The following USH1G variants were observed in gnomAD, a reference collection of about 807,000 sequenced individuals.
USH1G encodes USH1 protein network component sans, also known as pre-mRNA splicing regulator USH1G.
Under a neutral mutation model 31.9 loss-of-function variants are expected in USH1G, and 27 were observed. That is an observed-to-expected ratio of 0.85 (90% CI 0.62 to 1.17). USH1G has a LOEUF of 1.17. Among genes scored for constraint, USH1G ranks in the 50% most tolerant of loss-of-function variants. USH1G has a pLI of 0.00. For synonymous variants in USH1G, 266 were observed against 283.2 expected, an observed-to-expected ratio of 0.94 and a Z score of 0.61; for missense variants, 674 against 638.9, an observed-to-expected ratio of 1.05 and a Z score of -0.59.
At position 74,922,921 on chromosome 17, in the gene USH1G, A is replaced by G. The variant is rs777746284; in HGVS notation, c.153T>C (p.Ile51=). The G allele has an allele frequency of 3.9e-6, 6 of 1,546,884 alleles. No homozygotes were observed. The East Asian group carries it at 9.8e-5, about 25-fold the overall frequency. The change falls in exon 1 of 3, where the codon ATT becomes ATC. Residue 51 remains isoleucine (I), a synonymous_variant. Transcript: ENST00000614341. ...YHGNLESLRL[I]VSRGGDPDKC... ...TGGGGCGTACTCACCCGCGGCTCAC[A>G]ATGAGACGCAGCGACTCGAGGTTGC...
At position 74,917,376 on chromosome 17, in the gene USH1G, G is replaced by A. The variant is rs2038881145; in HGVS notation, c.*697C>T. 6.5e-6 allele frequency: 1 copy of A among 153,566 alleles called. No homozygotes were observed. Among genetic ancestry groups the A allele is most frequent in the Admixed American group, 6.5e-5 (1 of 15,502 alleles). The allele number at this position is 153,566 out of a possible 1,614,324, so 9.5% of individuals were successfully genotyped here. On this transcript the variant is annotated 3_prime_UTR_variant, in exon 3 of 3. Transcript: ENST00000614341. ...GGGGGCCAGGCTGCACAACGAAAAAGGGGGAGGTTGGAGGAAGACAGGCCA... is the reference window on the plus strand; with the variant it reads ...GGGGGCCAGGCTGCACAACGAAAAAAGGGGAGGTTGGAGGAAGACAGGCCA...
rs1306530906 is a variant in USH1G, at chr17:74,917,989, G to A, written c.*84C>T. The A allele has an allele frequency of 5.7e-6, 9 of 1,579,066 alleles. No individual in the cohort carries two copies. Among genetic ancestry groups the A allele is most frequent in the Non-Finnish European group, 7.0e-6 (8 of 1,150,794 alleles). ...TGCTCCTGGGGAAGGGGGCTGCAGG[G>A]CTGGCAACTGTGAGGACCTCGAGAC... On this transcript the variant is annotated 3_prime_UTR_variant, in exon 3 of 3. Coordinates refer to ENST00000614341, the MANE Select transcript of USH1G (RefSeq NM_173477.5).
rs1209910146 is a variant in USH1G at position 74,918,543 on chromosome 17, G to A, written c.1383-467C>T. Among the ~76,000 whole-genome samples the A allele has an allele frequency of 6.6e-5, 10 of 152,164 alleles. No individual in the cohort carries two copies. The highest frequency in any genetic ancestry group is 8.8e-5 in the Non-Finnish European group (6 of 68,026). ...GTAAAACATCTCCCTAAGGCCAGGC[G>A]CGGTGGCTCACGCCTGTAATCCCAG... On this transcript the variant is annotated intron_variant, in intron 2 of 2. Transcript: ENST00000614341. The surrounding 1 kb of genome is among the most constrained non-coding windows in gnomAD (Gnocchi z 4.1).
Position 74,920,060 on chromosome 17 carries a change from C to A in USH1G, c.776G>T (p.Gly259Val), listed in dbSNP as rs757008876. 2.5e-6 allele frequency: 4 copies of A among 1,608,392 alleles called. No homozygotes were observed. The African/African-American group carries it at 5.3e-5, about 21-fold the overall frequency. Reference protein sequence around the residue: ...LGSDVMFVRQGTYANPKEWGR... With the variant: ...LGSDVMFVRQVTYANPKEWGR... ...CCACTCCTTGGGATTGGCGTAGGTG[C>A]CCTGGCGCACGAACATCACGTCGCT... Residue 259 changes from glycine to valine, a missense_variant, in exon 2 of 3, where the codon GGC becomes GTC. Coordinates refer to ENST00000614341, the MANE Select transcript of USH1G (RefSeq NM_173477.5). This position sits in a 1 kb window ranked among gnomAD's most constrained non-coding sequence, Gnocchi z 5.2.
At position 74,920,775 on chromosome 17, in the gene USH1G, C is replaced by A. The variant is rs758855915; in HGVS notation, c.165-104G>T. The A allele has an allele frequency of 2.2e-5, 33 of 1,497,264 alleles. No homozygotes were observed. The highest frequency in any genetic ancestry group is 2.8e-5 in the Non-Finnish European group (31 of 1,107,622). The allele number at this position is 1,497,264 out of a possible 1,614,324, so 92.7% of individuals were successfully genotyped here. A position where few individuals can be genotyped will look rare whatever the true frequency, so the allele number is the denominator to read the frequency against. The stretch of plus-strand genomic sequence containing the variant: ...GAGCTTCCCCACTGTCACAGCAACC[C>A]CCAAAGGGACCGTGGGCCTGAGATC... On this transcript the variant is annotated intron_variant, in intron 1 of 2. Transcript: ENST00000614341. This position sits in a 1 kb window ranked among gnomAD's most constrained non-coding sequence, Gnocchi z 5.2.
Position 74,919,396 on chromosome 17 carries a change from TC to T in USH1G, c.1382+57del. 1.5e-6 allele frequency: 2 copies of T among 1,354,560 alleles called. No individual in the cohort carries two copies. The highest frequency in any genetic ancestry group is 2.0e-6 in the Non-Finnish European group (2 of 1,017,396). 83.9% of individuals were successfully genotyped at this position (1,354,560 alleles called of 1,614,324 possible). A position where few individuals can be genotyped will look rare whatever the true frequency, so the allele number is the denominator to read the frequency against. On this transcript the variant is annotated intron_variant, in intron 2 of 2. Coordinates refer to ENST00000614341, the MANE Select transcript of USH1G (RefSeq NM_173477.5). The surrounding 1 kb of genome is among the most constrained non-coding windows in gnomAD (Gnocchi z 4.5). ...CCTGAATAGGCAGATCTGTACCCCC[TC>T]CCCAGGGGCCTTCCAACTCCTGCTC...
chr17:74,919,454 A>C lies in USH1G; in HGVS notation c.1382T>G (p.Leu461Arg). The change falls in exon 2 of 3, where the codon CTA becomes CGA. Residue 461 changes from leucine (L) to arginine (R), a missense_variant and splice_region_variant. Coordinates refer to ENST00000614341, the MANE Select transcript of USH1G (RefSeq NM_173477.5). The surrounding 1 kb of genome is among the most constrained non-coding windows in gnomAD (Gnocchi z 4.5). ...ERPPALEDTE[L>R] ...CCCCCCCGCCAGGCTGGACACTCAC[A>C]GCTCTGTGTCCTCCAGGGCCGGCGG... is the stretch of plus-strand genomic sequence containing the variant. 1 of 1,599,570 alleles carries C rather than the reference A, an allele frequency of 6.3e-7. No individual in the cohort carries two copies. Among genetic ancestry groups the C allele is most frequent in the Non-Finnish European group, 8.5e-7 (1 of 1,175,008 alleles).
In USH1G at chr17:74,918,577, G is replaced by A. The variant is rs764110396; in HGVS notation, c.1383-501C>T. 9.9e-5 allele frequency among the ~76,000 whole-genome samples: 15 copies of A among 152,190 alleles called. No homozygotes were observed. Among genetic ancestry groups the A allele is most frequent in the East Asian group, 1.9e-4 (1 of 5,196 alleles). On this transcript the variant is annotated intron_variant, in intron 2 of 2. Coordinates refer to ENST00000614341, the MANE Select transcript of USH1G (RefSeq NM_173477.5). The surrounding 1 kb of genome is among the most constrained non-coding windows in gnomAD (Gnocchi z 4.1). ...CACGCCTGTAATCCCAGCACTTTGG[G>A]AGGCCAGAGTGGGCAGATCACTTGA...
rs1389067255 is a variant in USH1G, at chr17:74,922,984, C to T, written c.90G>A (p.Glu30=). Residue 30 remains glutamate, a synonymous_variant, in exon 1 of 3, where the codon GAG becomes GAA. Coordinates refer to ENST00000614341, the MANE Select transcript of USH1G (RefSeq NM_173477.5). ...ATRKELNAPD[E]DGMTPTLWAA... ...CCCAGAGAGTGGGGGTCATGCCATCCTCGTCGGGGGCATTCAGCTCCTTTC... is the reference window on the plus strand; with the variant it reads ...CCCAGAGAGTGGGGGTCATGCCATCTTCGTCGGGGGCATTCAGCTCCTTTC... 6.4e-7 allele frequency: 1 copy of T among 1,562,026 alleles called. No individual in the cohort carries two copies. Among genetic ancestry groups the T allele is most frequent in the Non-Finnish European group, 8.7e-7 (1 of 1,151,622 alleles).
Position 74,920,733 on chromosome 17 carries a change from G to A in USH1G, c.165-62C>T. 1.2e-6 allele frequency: 2 copies of A among 1,600,588 alleles called. No individual in the cohort carries two copies. Among genetic ancestry groups the A allele is most frequent in the Non-Finnish European group, 1.7e-6 (2 of 1,172,004 alleles). ...TCCTGGCTGGGGATGGAGGTGGAGG[G>A]AGTGGAGGGGGGAGGGGAGCTTCCC... is the stretch of plus-strand genomic sequence containing the variant. On this transcript the variant is annotated intron_variant, in intron 1 of 2. Transcript: ENST00000614341. The surrounding 1 kb of genome is among the most constrained non-coding windows in gnomAD (Gnocchi z 5.2).
rs2038889085 is a variant in USH1G, at chr17:74,918,102, CAG to C, written c.1383-28_1383-27del. 2 of 1,613,814 alleles carry C rather than the reference CAG, an allele frequency of 1.2e-6. No homozygotes were observed. The highest frequency in any genetic ancestry group is 1.7e-6 in the Non-Finnish European group (2 of 1,179,880). On this transcript the variant is annotated intron_variant, in intron 2 of 2. Transcript: ENST00000614341. This position sits in a 1 kb window ranked among gnomAD's most constrained non-coding sequence, Gnocchi z 4.1. ...CTGTGGAGGAAGAGACAGAAAGAAA[CAG>C]ATCTCACATGAGGCCCTCCAGAGGC... is the stretch of plus-strand genomic sequence containing the variant.
rs2038878453 is a variant in USH1G at position 74,917,143 on chromosome 17, T to A, written c.*930A>T. ...AATCTGCAGTTTAGAGGATCCACTTTCTCCAGTGTCCACATCGCAGGACTT... is the reference window on the plus strand; with the variant it reads ...AATCTGCAGTTTAGAGGATCCACTTACTCCAGTGTCCACATCGCAGGACTT... On this transcript the variant is annotated 3_prime_UTR_variant, in exon 3 of 3. Transcript: ENST00000614341. 1 of 152,330 alleles carries A rather than the reference T, an allele frequency of 6.6e-6. No homozygotes were observed. The highest frequency in any genetic ancestry group is 2.4e-5 in the African/African-American group (1 of 41,428). The allele number at this position is 152,330 out of a possible 1,614,324, so 9.4% of individuals were successfully genotyped here. A position where few individuals can be genotyped will look rare whatever the true frequency, so the allele number is the denominator to read the frequency against.
At position 74,920,400 on chromosome 17, in the gene USH1G, G is replaced by A. The variant is rs141791769; in HGVS notation, c.436C>T (p.Arg146Cys). ...KDKAFREAER[R>C]IRECAKLQRR... Reference sequence around the variant, plus strand: ...TGCAGCTTGGCGCACTCGCGGATGCGCCGCTCCGCCTCGCGGAAGGCCTTG... The same window carrying A: ...TGCAGCTTGGCGCACTCGCGGATGCACCGCTCCGCCTCGCGGAAGGCCTTG... Residue 146 changes from arginine to cysteine, a missense_variant, in exon 2 of 3, where the codon CGC (arginine) becomes TGC (cysteine). Arg to Cys is a radical substitution (Grantham distance 180). Transcript: ENST00000614341. This position sits in a 1 kb window ranked among gnomAD's most constrained non-coding sequence, Gnocchi z 5.2. 8 of 1,613,152 alleles carry A rather than the reference G, an allele frequency of 5.0e-6. No homozygotes were observed. The Admixed American group carries it at 5.0e-5, about 10-fold the overall frequency.
chr17:74,921,072 C>T lies in USH1G; in HGVS notation c.165-401G>A, dbSNP rs560908308. On this transcript the variant is annotated intron_variant, in intron 1 of 2. Transcript: ENST00000614341. This position sits in a 1 kb window ranked among gnomAD's most constrained non-coding sequence, Gnocchi z 4.6. ...GGCCGCGTCTGGGTCTCTAGGCAGG[C>T]GTGGTGGTGAGTGTGGCTGCGTGTG... 2.0e-5 allele frequency among the ~76,000 whole-genome samples: 3 copies of T among 152,000 alleles called. No individual in the cohort carries two copies. The highest frequency in any genetic ancestry group is 1.9e-4 in the East Asian group (1 of 5,164).
At chr17:74,922,830 A>T in intron 1 of USH1G, 80 bp downstream of exon 1, 1 of 1,463,534 alleles carries the variant, frequency 6.8e-7, no homozygotes, top group South Asian at 1.3e-5. Flanking sequence ...CAGGGGAAGG[A>T]GGCAGCTCAG....
In USH1G at chr17:74,922,929, G is replaced by A. The variant is rs769657993; in HGVS notation, c.145C>T (p.Arg49Cys). The change falls in exon 1 of 3, where the codon CGT becomes TGT. Residue 49 changes from arginine to cysteine, a missense_variant. By Grantham distance (180) the Arg-to-Cys change is radical. Coordinates refer to ENST00000614341, the MANE Select transcript of USH1G (RefSeq NM_173477.5). ...ACTCACCCGCGGCTCACAATGAGAC[G>A]CAGCGACTCGAGGTTGCCATGGTAG... ...AAYHGNLESL[R>C]LIVSRGGDPD... The A allele has an allele frequency of 3.6e-5, 56 of 1,547,274 alleles. No individual in the cohort carries two copies. The highest frequency in any genetic ancestry group is 4.3e-5 in the Non-Finnish European group (49 of 1,143,452).
rs104894652 is a variant in USH1G, at chr17:74,922,961, C to T, written c.113G>A (p.Trp38Ter). The change falls in exon 1 of 3, where the codon TGG becomes TAG. Residue 38 changes from tryptophan (W) to a stop codon, truncating the protein, a stop_gained. Coordinates refer to ENST00000614341, the MANE Select transcript of USH1G (RefSeq NM_173477.5). LOFTEE classifies it high-confidence loss of function. ...CTCGAGGTTGCCATGGTAGGCAGCC[C>T]AGAGAGTGGGGGTCATGCCATCCTC... Reference protein sequence around the residue: ...PDEDGMTPTLWAAYHGNLESL... With the variant: ...PDEDGMTPTL The T allele has an allele frequency of 9.7e-6, 15 of 1,552,616 alleles. No homozygotes were observed. The highest frequency in any genetic ancestry group is 1.3e-5 in the Non-Finnish European group (15 of 1,146,480).
chr17:74,918,620 C>T lies in USH1G; in HGVS notation c.1383-544G>A, dbSNP rs1430553246. On this transcript the variant is annotated intron_variant, in intron 2 of 2. Coordinates refer to ENST00000614341, the MANE Select transcript of USH1G (RefSeq NM_173477.5). The surrounding 1 kb of genome is among the most constrained non-coding windows in gnomAD (Gnocchi z 4.1). ...TCACTTGAGGTCAGGAGTTCGAGAC[C>T]AGCCTGGCCAACATGGCAAAACCCC... Among the ~76,000 whole-genome samples, 4 of 152,110 alleles carry T rather than the reference C, an allele frequency of 2.6e-5. No homozygotes were observed. The highest frequency in any genetic ancestry group is 1.3e-4 in the Admixed American group (2 of 15,272).
In USH1G at chr17:74,918,426, C is replaced by G. The variant is rs1038510201; in HGVS notation, c.1383-350G>C. ...TGGCAGCCTTGGGCAACTATGACGG[C>G]CTTTGGAACATGAACTCTGCCTCCA... On this transcript the variant is annotated intron_variant, in intron 2 of 2. Coordinates refer to ENST00000614341, the MANE Select transcript of USH1G (RefSeq NM_173477.5). This position sits in a 1 kb window ranked among gnomAD's most constrained non-coding sequence, Gnocchi z 4.1. Among the ~76,000 whole-genome samples, 1 of 152,204 alleles carries G rather than the reference C, an allele frequency of 6.6e-6. No homozygotes were observed. The highest frequency in any genetic ancestry group is 6.5e-5 in the Admixed American group (1 of 15,286).
Sources: allele counts gnomAD v4.1 joint callset (sites outside exome capture counted in the v4.1 genomes callset), GRCh38; gene constraint gnomAD v4.1.1; non-coding constraint Gnocchi (gnomAD v3.1); transcripts MANE v1.5; gene names NCBI Gene and HGNC (gene_info 2026-07-23, HGNC 2026-07-21).